The following RPH3AL variants were observed in gnomAD, a reference collection of about 807,000 sequenced individuals.
RPH3AL encodes the protein rabphilin 3A like (without C2 domains).
A neutral mutation model predicts 43.1 loss-of-function variants in RPH3AL; 38 were observed. The ratio of observed to expected loss-of-function variants is 0.88; its 90% CI spans 0.68 to 1.15. The LOEUF is 1.15. RPH3AL is among the 50% of genes most tolerant of loss of function. The pLI, the probability that RPH3AL is intolerant of heterozygous loss-of-function variation, is 0.00. For missense variants in RPH3AL, 462 were observed against 423.2 expected, an observed-to-expected ratio of 1.09 and a Z score of -0.81; for synonymous variants, 189 against 176.3, an observed-to-expected ratio of 1.07 and a Z score of -0.57.
Position 247,291 on chromosome 17 carries a change from TG to T in RPH3AL, c.439-7del. The T allele has an allele frequency of 6.4e-7, 1 of 1,564,816 alleles. No individual in the cohort carries two copies. Among genetic ancestry groups the T allele is most frequent in the Non-Finnish European group, 8.7e-7 (1 of 1,153,980 alleles). On this transcript the variant is annotated splice_region_variant and splice_polypyrimidine_tract_variant and intron_variant, in intron 6 of 9. Coordinates refer to ENST00000331302, the MANE Select transcript of RPH3AL (RefSeq NM_006987.4). ...GCCCCCGACCTCTTCCAGACCTGAG[TG>T]GGGGAAGAGAGCTGCTTGGGGCACA...
intron 7 of RPH3AL, among the ~76,000 whole-genome samples, chr17:241,098 A>AATAATAATAATC (rs763128192): frequency 2.0e-3 from 190 of 94,412 alleles, no homozygotes; most frequent in South Asian, 5.2e-3. Context: ...TAATAATAAT[A>AATAATAATAATC]ATCTTGTTGG....
intron 7 of RPH3AL, among the ~76,000 whole-genome samples, chr17:244,559 A>C (rs914836424): frequency 6.6e-6 from 1 of 152,064 alleles, no homozygotes; most frequent in East Asian, 1.9e-4. Flanking sequence ...TGGGGCAGGA[A>C]GAAGATGCTG....
chr17:289,069 C>G lies in RPH3AL; in HGVS notation c.352-7215G>C, dbSNP rs146812740. Among the ~76,000 whole-genome samples the G allele has an allele frequency of 4.9e-4, 75 of 152,290 alleles. No individual in the cohort carries two copies. In the East Asian group the frequency reaches 6.7e-3, roughly 14 times the overall value. ...CAGGGACCTGCCCACGGGACACAGG[C>G]TTTGGGGCAGGAGAGAGCAGGGTGT... On this transcript the variant is annotated intron_variant, in intron 5 of 9. Coordinates refer to ENST00000331302, the MANE Select transcript of RPH3AL (RefSeq NM_006987.4). This position sits in a 1 kb window ranked among gnomAD's most constrained non-coding sequence, Gnocchi z 5.2.
intron 8 of RPH3AL, among the ~76,000 whole-genome samples, chr17:216,192 C>A (rs1313868442): frequency 8.7e-6 from 1 of 114,782 alleles, no homozygotes; most frequent in Admixed American, 8.8e-5. Flanking sequence ...ACATGGCTGC[C>A]GGGCTCTGGC....
chr17:308,033 T>C (rs1014679301), intron 5 of RPH3AL, among the ~76,000 whole-genome samples: 2 of 152,178 alleles, frequency 1.3e-5, no homozygotes, highest in Non-Finnish European at 2.9e-5. Context: ...GGCAGAAGAA[T>C]TAAGTGACTT....
intron 2 of RPH3AL, chr17:332,385 C>T (rs1470969026): frequency 5.7e-6 from 1 of 176,174 alleles, no homozygotes; most frequent in Non-Finnish European, 1.2e-5. Context: ...GGGCATCCAC[C>T]CAGGAGCCCG....
chr17:346,622 A>C (rs2045241829), intron 1 of RPH3AL, among the ~76,000 whole-genome samples: 1 of 135,184 alleles, frequency 7.4e-6, no homozygotes, highest in African/African-American at 2.5e-5. Flanking sequence ...GCAAGATGAG[A>C]TTTGGGTGGG....
In RPH3AL at chr17:274,208, G is replaced by C. The variant is rs946549922; in HGVS notation, c.438+7560C>G. Among the ~76,000 whole-genome samples, 2 of 152,246 alleles carry C rather than the reference G, an allele frequency of 1.3e-5. No homozygotes were observed. The highest frequency in any genetic ancestry group is 2.9e-5 in the Non-Finnish European group (2 of 68,042). On this transcript the variant is annotated intron_variant, in intron 6 of 9. Transcript: ENST00000331302. The surrounding 1 kb of genome is among the most constrained non-coding windows in gnomAD (Gnocchi z 4.7). Reference sequence around the variant, plus strand: ...CCAACTAACGCACCCATGAAAGCACGTGGAAAAGGCACCGCGAAACCCCAG... The same window carrying C: ...CCAACTAACGCACCCATGAAAGCACCTGGAAAAGGCACCGCGAAACCCCAG...
At chr17:315,533 CT>C (rs1453734112) in intron 5 of RPH3AL, among the ~76,000 whole-genome samples, 1,099 of 8,068 alleles carry the variant, frequency 0.14, no homozygotes, top group South Asian at 0.18. Context: ...AGTCCCTGTG[CT>C]CCCACCTCCA....
intron 6 of RPH3AL, among the ~76,000 whole-genome samples, chr17:253,826 C>T (rs2041992467): frequency 1.1e-5 from 1 of 90,862 alleles, no homozygotes; most frequent in Non-Finnish European, 2.3e-5. Context: ...ACCCTACGTA[C>T]TTCCTATGAG....
chr17:232,447 C>G (rs750723390), intron 7 of RPH3AL, among the ~76,000 whole-genome samples: 8 of 152,190 alleles, frequency 5.3e-5, no homozygotes, highest in African/African-American at 1.2e-4. Flanking sequence ...TTTACCTGCA[C>G]AGACAGACAG....
At chr17:339,560 GGAC>G (rs1228827097) in intron 1 of RPH3AL, 1 of 152,280 alleles carries the variant, frequency 6.6e-6, no homozygotes, top group Non-Finnish European at 1.5e-5. Flanking sequence ...AAGCCCCAGA[GGAC>G]GACGTGATCA....
intron 5 of RPH3AL, among the ~76,000 whole-genome samples, chr17:285,713 G>A (rs996914915): frequency 1.3e-4 from 20 of 152,286 alleles, no homozygotes; most frequent in Middle Eastern, 3.4e-3. Context: ...CATCCTCACC[G>A]TGAGGTTCTG....
chr17:235,847 G>T (rs956835381), intron 7 of RPH3AL, among the ~76,000 whole-genome samples: 1 of 100,440 alleles, frequency 1.0e-5, no homozygotes, highest in African/African-American at 3.6e-5. Flanking sequence ...AACAAGACAG[G>T]TCCCGGGTTC....
chr17:222,963 G>A (rs1278920003), intron 7 of RPH3AL, among the ~76,000 whole-genome samples: 1 of 152,220 alleles, frequency 6.6e-6, no homozygotes, highest in African/African-American at 2.4e-5. Context: ...GGCAAGGCGG[G>A]TGGATCACTT....
intron 5 of RPH3AL, among the ~76,000 whole-genome samples, chr17:316,749 C>G (rs1253440003): frequency 1.4e-5 from 1 of 73,542 alleles, no homozygotes; most frequent in African/African-American, 5.6e-5. Context: ...AGTCCATGTG[C>G]CCCACCTCCA....
At chr17:343,732 T>G (rs2045176781) in intron 1 of RPH3AL, among the ~76,000 whole-genome samples, 1 of 152,068 alleles carries the variant, frequency 6.6e-6, no homozygotes, top group Non-Finnish European at 1.5e-5. Context: ...CTACTATCCA[T>G]CCAGTGGGTA....
At chr17:343,284 C>T (rs187444938) in intron 1 of RPH3AL, among the ~76,000 whole-genome samples, 12 of 152,292 alleles carry the variant, frequency 7.9e-5, no homozygotes, top group East Asian at 1.9e-4. Flanking sequence ...TCAGTCTCTA[C>T]GTAAACACAT....
At position 345,626 on chromosome 17, in the gene RPH3AL, T is replaced by TGCTCCCCATCTGCACGCAC. The variant is rs2045220050; in HGVS notation, c.-213+7067_-213+7085dup. 1.5e-5 allele frequency among the ~76,000 whole-genome samples: 2 copies of TGCTCCCCATCTGCACGCAC among 131,322 alleles called. 1 individual carries two copies. Among genetic ancestry groups the TGCTCCCCATCTGCACGCAC allele is most frequent in the Admixed American group, 1.4e-4 (2 of 13,800 alleles). The allele number at this position is 131,322 out of a possible 152,430, so 86.2% of individuals were successfully genotyped here. A position where few individuals can be genotyped will look rare whatever the true frequency, so the allele number is the denominator to read the frequency against. The stretch of plus-strand genomic sequence containing the variant: ...AAGTGGGTGCCTGCTGGGGCACGCG[T>TGCTCCCCATCTGCACGCAC]GCTCCCCATCTGCACGCACACCCTG... On this transcript the variant is annotated intron_variant, in intron 1 of 9. Transcript: ENST00000331302.
Sources: allele counts gnomAD v4.1 joint callset (sites outside exome capture counted in the v4.1 genomes callset), GRCh38; gene constraint gnomAD v4.1.1; non-coding constraint Gnocchi (gnomAD v3.1); transcripts MANE v1.5; gene names NCBI Gene and HGNC (gene_info 2026-07-23, HGNC 2026-07-21).